Variants in CDK14 observed in about 807,000 individuals in gnomAD.
The protein encoded by CDK14 is cyclin dependent kinase 14.
Under a neutral mutation model 60.7 loss-of-function variants are expected in CDK14, and 34 were observed. That is an observed-to-expected ratio of 0.56 (90% CI 0.43 to 0.75). CDK14 has a LOEUF of 0.75. Among genes scored for constraint, CDK14 ranks in the 30% least tolerant of loss-of-function variants. The pLI, the probability that CDK14 is intolerant of heterozygous loss-of-function variation, is 0.00. For missense variants in CDK14, 482 were observed against 564.1 expected (o/e 0.85, Z 1.47); for synonymous variants, 197 against 203.7 (o/e 0.97, Z 0.28).
chr7:91,127,872 G>A (rs73708253), intron 14 of CDK14, among the ~76,000 whole-genome samples: 1,799 of 152,128 alleles, frequency 0.012, 30 homozygotes, highest in African/African-American at 0.04. Context: ...GTATTGCCTC[G>A]CATGTATTCA....
intron 9 of CDK14, among the ~76,000 whole-genome samples, chr7:90,982,837 G>T (rs1795267650): frequency 6.6e-6 from 1 of 151,928 alleles, no homozygotes; most frequent in East Asian, 1.9e-4. Context: ...ATAGCTCATG[G>T]TGCTCATTAA....
intron 14 of CDK14, among the ~76,000 whole-genome samples, chr7:91,150,150 C>A (rs989240363): frequency 6.6e-6 from 1 of 152,096 alleles, no homozygotes; most frequent in African/African-American, 2.4e-5. Context: ...ATTCATAAAT[C>A]CAAAAAATTA....
Position 90,793,750 on chromosome 7 carries a change from G to C in CDK14, c.544+3098G>C, listed in dbSNP as rs1286426039. Among the ~76,000 whole-genome samples, 4 of 152,168 alleles carry C rather than the reference G, an allele frequency of 2.6e-5. 1 individual carries two copies. The highest frequency in any genetic ancestry group is 2.6e-4 in the Admixed American group (4 of 15,272). ...TACAGAGGGAGGCAAACTGTGGCTT[G>C]GGGCCTGCTGTCTGTTTTGGTAAAT... On this transcript the variant is annotated intron_variant, in intron 5 of 14. Transcript: ENST00000380050.
chr7:90,619,841 A>G (rs1439390510), intron 2 of CDK14, among the ~76,000 whole-genome samples: 1 of 152,200 alleles, frequency 6.6e-6, no homozygotes, highest in Non-Finnish European at 1.5e-5. Context: ...ACTAAAAAAT[A>G]CAAAAGTTAG....
chr7:90,668,214 G>T (rs1194015525), intron 2 of CDK14, among the ~76,000 whole-genome samples: 1 of 152,126 alleles, frequency 6.6e-6, no homozygotes. Flanking sequence ...CATCTCAGTG[G>T]ATGTGAAGTG....
intron 5 of CDK14, among the ~76,000 whole-genome samples, chr7:90,809,334 A>G (rs1185294885): frequency 2.0e-5 from 3 of 152,180 alleles, no homozygotes; most frequent in Admixed American, 1.3e-4. Flanking sequence ...AAACCGCTCA[A>G]CTACATGGAA....
intron 14 of CDK14, among the ~76,000 whole-genome samples, chr7:91,121,102 C>G (rs1372805853): frequency 6.6e-6 from 1 of 152,192 alleles, no homozygotes; most frequent in Non-Finnish European, 1.5e-5. Context: ...TGGCCTTTCT[C>G]TGACCAATAC....
At chr7:91,057,317 A>G (rs1244778755) in intron 11 of CDK14, among the ~76,000 whole-genome samples, 4 of 152,076 alleles carry the variant, frequency 2.6e-5, no homozygotes, top group Non-Finnish European at 4.4e-5. Flanking sequence ...CCTTTGTCAG[A>G]TGAGTAGATT....
At chr7:90,683,363 C>T (rs1801359601) in intron 2 of CDK14, among the ~76,000 whole-genome samples, 2 of 152,172 alleles carry the variant, frequency 1.3e-5, no homozygotes, top group Admixed American at 1.3e-4. Flanking sequence ...CAAGTTGGCT[C>T]CTATGTCTTA....
chr7:90,603,063 C>CAGGT (rs111437652), intron 1 of CDK14, among the ~76,000 whole-genome samples: 1 of 152,040 alleles, frequency 6.6e-6, no homozygotes, highest in Non-Finnish European at 1.5e-5. Context: ...CAAAGCTTTC[C>CAGGT]AATAGCTACC....
At chr7:90,736,428 T>A (rs191818938) in intron 3 of CDK14, among the ~76,000 whole-genome samples, 1 of 143,874 alleles carries the variant, frequency 7.0e-6, no homozygotes, top group Non-Finnish European at 1.5e-5. Flanking sequence ...ATGGAAACAT[T>A]AACACTTTTT....
At chr7:90,811,396 G>A (rs1246382177) in intron 5 of CDK14, among the ~76,000 whole-genome samples, 1 of 151,994 alleles carries the variant, frequency 6.6e-6, no homozygotes, top group Non-Finnish European at 1.5e-5. Flanking sequence ...AATGGTGCTG[G>A]GAAAACTGGC....
rs749474071 is a variant in CDK14, at chr7:90,955,820, G to A, written c.947+3G>A. Reference sequence around the variant, plus strand: ...TATTCCACCTGCCTTGACATGTGGTGAGAAATGGAAGCTTTACTCTAGCTA... The same window carrying A: ...TATTCCACCTGCCTTGACATGTGGTAAGAAATGGAAGCTTTACTCTAGCTA... On this transcript the variant is annotated splice_donor_region_variant and intron_variant, in intron 9 of 14. Coordinates refer to ENST00000380050, the MANE Select transcript of CDK14 (RefSeq NM_001287135.2). The A allele has an allele frequency of 8.7e-6, 14 of 1,612,770 alleles. No homozygotes were observed. Among genetic ancestry groups the A allele is most frequent in the Non-Finnish European group, 1.1e-5 (13 of 1,179,104 alleles).
chr7:90,667,680 C>T (rs1439983560), intron 2 of CDK14, among the ~76,000 whole-genome samples: 4 of 152,052 alleles, frequency 2.6e-5, no homozygotes, highest in African/African-American at 7.2e-5. Context: ...CACCATTCTC[C>T]TGCCTCAACC....
chr7:91,069,490 A>G (rs1042680434), intron 11 of CDK14, among the ~76,000 whole-genome samples: 2 of 152,180 alleles, frequency 1.3e-5, no homozygotes, highest in Non-Finnish European at 2.9e-5. Context: ...ACAGTGAGCT[A>G]TGATTGTGCC....
At chr7:90,742,248 T>C (rs887287248) in intron 3 of CDK14, among the ~76,000 whole-genome samples, 4 of 152,042 alleles carry the variant, frequency 2.6e-5, no homozygotes, top group African/African-American at 9.7e-5. Flanking sequence ...TAAGATTAAT[T>C]CTTTAAATTT....
At chr7:90,790,699 C>A (rs1286053953) in intron 5 of CDK14, 47 bp downstream of exon 5, 1 of 1,251,234 alleles carries the variant, frequency 8.0e-7, no homozygotes, top group Admixed American at 1.8e-5. Context: ...TCTATGGTCC[C>A]CGTAGCTATT....
intron 5 of CDK14, among the ~76,000 whole-genome samples, chr7:90,804,596 A>G (rs980654599): frequency 6.6e-6 from 1 of 152,160 alleles, no homozygotes; most frequent in African/African-American, 2.4e-5. Flanking sequence ...GAGTAATCTG[A>G]TGGGTGTCTG....
intron 2 of CDK14, among the ~76,000 whole-genome samples, chr7:90,692,242 T>A (rs960471070): frequency 1.3e-5 from 2 of 152,190 alleles, no homozygotes; most frequent in Non-Finnish European, 2.9e-5. Context: ...CAAGAGCGTA[T>A]TTTTTGTGTG....
Sources: allele counts gnomAD v4.1 joint callset (sites outside exome capture counted in the v4.1 genomes callset), GRCh38; gene constraint gnomAD v4.1.1; transcripts MANE v1.5; gene names NCBI Gene and HGNC (gene_info 2026-07-23, HGNC 2026-07-21).